Variants in GABRB2 observed in about 807,000 individuals in gnomAD.
The protein encoded by GABRB2 is gamma-aminobutyric acid receptor subunit beta-2.
In GABRB2, 16 loss-of-function variants were observed where a neutral mutation model predicts 54.7. The ratio of observed to expected loss-of-function variants is 0.29; its 90% CI spans 0.20 to 0.44. GABRB2 has a LOEUF of 0.44. Ranked by LOEUF, GABRB2 falls within the 20% of genes least tolerant of loss-of-function variation. The probability of loss-of-function intolerance (pLI) is 1.00; values close to 1 mark genes in which losing one functional copy is unlikely to be tolerated. For missense variants in GABRB2, 355 were observed against 644.0 expected (o/e 0.55, Z 4.86); for synonymous variants, 244 against 233.8 (o/e 1.04, Z -0.40).
At chr5:161,495,855 T>G (rs1759225006) in intron 3 of GABRB2, among the ~76,000 whole-genome samples, 1 of 152,042 alleles carries the variant, frequency 6.6e-6, no homozygotes. Context: ...AGTTGGAAAA[T>G]TAAAATAAAC....
intron 5 of GABRB2, among the ~76,000 whole-genome samples, chr5:161,389,127 C>A (rs879396497): frequency 6.6e-6 from 1 of 151,952 alleles, no homozygotes; most frequent in Admixed American, 6.6e-5. Context: ...TTAAACTAGA[C>A]AATGTGTAGT....
chr5:161,298,856 C>T (rs1757457452), intron 9 of GABRB2, among the ~76,000 whole-genome samples: 1 of 152,144 alleles, frequency 6.6e-6, no homozygotes, highest in South Asian at 2.1e-4. Context: ...GTGGGGCAGG[C>T]ACTGATCTCA....
intron 3 of GABRB2, among the ~76,000 whole-genome samples, chr5:161,511,332 C>G (rs1460797846): frequency 1.3e-5 from 2 of 151,836 alleles, no homozygotes; most frequent in Non-Finnish European, 2.9e-5. Flanking sequence ...GTAAAATATA[C>G]AATCTTTGGG....
At chr5:161,516,104 C>T (rs953943752) in intron 3 of GABRB2, among the ~76,000 whole-genome samples, 1 of 152,158 alleles carries the variant, frequency 6.6e-6, no homozygotes, top group South Asian at 2.1e-4. Context: ...TTATCTCTCA[C>T]CTTTATTTTC....
At chr5:161,463,427 T>C (rs1379491174) in intron 3 of GABRB2, among the ~76,000 whole-genome samples, 2 of 150,726 alleles carry the variant, frequency 1.3e-5, no homozygotes, top group African/African-American at 2.4e-5. Context: ...GTTAAGATGT[T>C]GATACTCTCT....
At chr5:161,299,806 G>T (rs1003347834) in intron 9 of GABRB2, among the ~76,000 whole-genome samples, 3 of 152,100 alleles carry the variant, frequency 2.0e-5, no homozygotes, top group Non-Finnish European at 4.4e-5. Flanking sequence ...CTCATTTAAA[G>T]ATCTCAACAA....
At chr5:161,530,904 G>A (rs1422205766) in intron 3 of GABRB2, among the ~76,000 whole-genome samples, 1 of 152,052 alleles carries the variant, frequency 6.6e-6, no homozygotes, top group Admixed American at 6.6e-5. Context: ...CCCTACCCAC[G>A]TCAGAAGCAC....
intron 3 of GABRB2, among the ~76,000 whole-genome samples, chr5:161,465,068 C>T (rs913792906): frequency 3.3e-5 from 5 of 151,976 alleles, no homozygotes; most frequent in South Asian, 2.1e-4. Flanking sequence ...CTTTCAATTG[C>T]TTTCAAAAAA....
chr5:161,488,918 C>CA (rs1045787832), intron 3 of GABRB2, among the ~76,000 whole-genome samples: 3 of 151,630 alleles, frequency 2.0e-5, no homozygotes, highest in Non-Finnish European at 4.4e-5. Flanking sequence ...GGTTATGTTG[C>CA]AAAGATCATG....
At chr5:161,452,783 C>T (rs187352285) in intron 4 of GABRB2, among the ~76,000 whole-genome samples, 1 of 152,162 alleles carries the variant, frequency 6.6e-6, no homozygotes, top group African/African-American at 2.4e-5. Flanking sequence ...GGCTTGAGCC[C>T]AGGAGTTCAA....
chr5:161,355,343 T>C (rs1353347204), intron 5 of GABRB2, among the ~76,000 whole-genome samples: 2 of 148,548 alleles, frequency 1.3e-5, no homozygotes, highest in African/African-American at 4.9e-5. Context: ...ACATATGGTA[T>C]ATATGATATA....
At chr5:161,372,883 G>A (rs1451829887) in intron 5 of GABRB2, among the ~76,000 whole-genome samples, 1 of 152,170 alleles carries the variant, frequency 6.6e-6, no homozygotes, top group Non-Finnish European at 1.5e-5. Context: ...TATGCTGCAT[G>A]CACTAAGCTC....
intron 4 of GABRB2, among the ~76,000 whole-genome samples, chr5:161,446,624 A>G (rs1310596239): frequency 6.6e-6 from 1 of 152,168 alleles, no homozygotes; most frequent in Non-Finnish European, 1.5e-5. Context: ...TGAACAAGTT[A>G]CTGAATTTGT....
chr5:161,323,203 A>G (rs1387118062), intron 9 of GABRB2, among the ~76,000 whole-genome samples: 1 of 151,936 alleles, frequency 6.6e-6, no homozygotes. Flanking sequence ...TTGTATCTTT[A>G]GCAGAGGCAT....
intron 4 of GABRB2, among the ~76,000 whole-genome samples, chr5:161,428,245 C>T (rs143523501): frequency 3.6e-4 from 54 of 151,520 alleles, no homozygotes; most frequent in Middle Eastern, 3.4e-3. Flanking sequence ...AAAATGGTTA[C>T]TACAGTGAAG....
intron 5 of GABRB2, among the ~76,000 whole-genome samples, chr5:161,372,319 T>C (rs1755156629): frequency 6.6e-6 from 1 of 152,234 alleles, no homozygotes; most frequent in Non-Finnish European, 1.5e-5. Context: ...CTGCAGCTGA[T>C]GGTGCCTGCC....
intron 9 of GABRB2, among the ~76,000 whole-genome samples, chr5:161,307,729 G>A (rs1369593145): frequency 6.6e-6 from 1 of 152,052 alleles, no homozygotes; most frequent in Non-Finnish European, 1.5e-5. Context: ...GACATACATG[G>A]GGGTAGGTGT....
At chr5:161,302,886 T>C (rs1383021471) in intron 9 of GABRB2, among the ~76,000 whole-genome samples, 2 of 152,220 alleles carry the variant, frequency 1.3e-5, no homozygotes, top group Non-Finnish European at 2.9e-5. Flanking sequence ...TCTTTGACTC[T>C]TCAAATCTCT....
chr5:161,417,802 G>A (rs578194505), intron 4 of GABRB2, among the ~76,000 whole-genome samples: 4 of 151,916 alleles, frequency 2.6e-5, no homozygotes, highest in Non-Finnish European at 4.4e-5. Flanking sequence ...AGCATTCCTC[G>A]CCATTCTATC....
Sources: gnomAD v4.1 joint callset for allele counts (sites outside exome capture counted in the v4.1 genomes callset) on GRCh38, gnomAD v4.1.1 for gene constraint, MANE v1.5 for transcripts, NCBI Gene and HGNC (gene_info 2026-07-23, HGNC 2026-07-21) for gene names.